TNIK: variants seen among roughly 807,000 people sequenced by gnomAD.
TNIK encodes TRAF2 and NCK interacting kinase, also known as TRAF2 and NCK-interacting protein kinase.
In TNIK, 49 loss-of-function variants were observed where a neutral mutation model predicts 191.3. That is an observed-to-expected ratio of 0.26 (90% CI 0.20 to 0.32). The LOEUF is 0.32. Ranked by LOEUF, TNIK falls within the 10% of genes least tolerant of loss-of-function variation. The pLI, the probability that TNIK is intolerant of heterozygous loss-of-function variation, is 1.00. For synonymous variants in TNIK, 594 were observed against 600.9 expected (o/e 0.99, Z 0.17); for missense variants, 1,155 against 1,702.3 (o/e 0.68, Z 5.66).
chr3:171,089,041 G>GT (rs909913865), intron 23 of TNIK, among the ~76,000 whole-genome samples: 9 of 152,326 alleles, frequency 5.9e-5, no homozygotes, highest in East Asian at 1.9e-4. Context: ...GGCTGGAAGT[G>GT]AAAGGAGGCA....
At chr3:171,190,121 A>T (rs1262823354) in intron 6 of TNIK, among the ~76,000 whole-genome samples, 3 of 152,244 alleles carry the variant, frequency 2.0e-5, no homozygotes, top group Non-Finnish European at 4.4e-5. Flanking sequence ...CTATTTGGGC[A>T]GTCCCAGATT....
chr3:171,380,793 C>T (rs1011516506), intron 1 of TNIK, among the ~76,000 whole-genome samples: 9 of 152,238 alleles, frequency 5.9e-5, no homozygotes, highest in African/African-American at 1.2e-4. Flanking sequence ...GGGCCCAGGA[C>T]TTTTCTATGA....
intron 2 of TNIK, among the ~76,000 whole-genome samples, chr3:171,316,043 C>T (rs1457578185): frequency 6.6e-6 from 1 of 152,066 alleles, no homozygotes; most frequent in Non-Finnish European, 1.5e-5. Context: ...GAGTTTACAG[C>T]CTAGAGACAG....
At chr3:171,205,227 C>A (rs1739910222) in intron 4 of TNIK, among the ~76,000 whole-genome samples, 1 of 152,174 alleles carries the variant, frequency 6.6e-6, no homozygotes, top group Non-Finnish European at 1.5e-5. Context: ...TGTCTTTCTT[C>A]TTCCTAGTTC....
chr3:171,270,078 T>A (rs188747530), intron 2 of TNIK, among the ~76,000 whole-genome samples: 2 of 152,084 alleles, frequency 1.3e-5, no homozygotes, highest in African/African-American at 4.8e-5. Context: ...ATTTACACAC[T>A]TACTTTGAGC....
intron 7 of TNIK, among the ~76,000 whole-genome samples, chr3:171,179,707 C>T (rs941857997): frequency 1.3e-5 from 2 of 152,180 alleles, no homozygotes; most frequent in African/African-American, 4.8e-5. Context: ...GCCTCAGCCT[C>T]CCAAAGTGCT....
At chr3:171,324,101 A>G (rs1028442326) in intron 2 of TNIK, among the ~76,000 whole-genome samples, 5 of 150,652 alleles carry the variant, frequency 3.3e-5, no homozygotes, top group Admixed American at 6.6e-5. Context: ...TGGCAGTGAC[A>G]GCTGGTCATT....
At chr3:171,200,719 C>A (rs775751910) in intron 4 of TNIK, among the ~76,000 whole-genome samples, 17 of 152,216 alleles carry the variant, frequency 1.1e-4, no homozygotes, top group Admixed American at 5.2e-4. Context: ...GGCTTCTAAA[C>A]TTCCCTTTCC....
intron 4 of TNIK, among the ~76,000 whole-genome samples, chr3:171,196,875 C>T (rs140070238): frequency 0.072 from 10,886 of 152,086 alleles, 1,282 homozygotes; most frequent in African/African-American, 0.25. Flanking sequence ...CTGCCTCAGC[C>T]TCTCGAGTAG....
rs111358188 is a variant in TNIK at position 171,278,372 on chromosome 3, G to A, written c.124-50151C>T. Among the ~76,000 whole-genome samples, 649 of 152,202 alleles carry A rather than the reference G, an allele frequency of 4.3e-3. 2 individuals are homozygous for A. The highest frequency in any genetic ancestry group is 0.015 in the African/African-American group (626 of 41,528). ...AATGAATTTCTGCTTGTTTCTCAAT[G>A]TGGATATGAGAATGAAGCTTATCAA... On this transcript the variant is annotated intron_variant, in intron 2 of 32. Transcript: ENST00000436636.
chr3:171,060,601 C>T lies in TNIK; in HGVS notation c.*3280G>A, dbSNP rs563052280. On this transcript the variant is annotated 3_prime_UTR_variant, in exon 33 of 33. Transcript: ENST00000436636. ...CTCCAAGAAAAATAATGAGATCTAT[C>T]TAAAATAGAGCTGTTCAATTTTATG... Among the ~76,000 whole-genome samples, 8 of 152,284 alleles carry T rather than the reference C, an allele frequency of 5.3e-5. No individual in the cohort carries two copies. In the East Asian group the frequency reaches 1.3e-3, roughly 26 times the overall value.
intron 2 of TNIK, among the ~76,000 whole-genome samples, chr3:171,310,573 T>C (rs1047435436): frequency 1.3e-5 from 2 of 152,148 alleles, no homozygotes; most frequent in Non-Finnish European, 2.9e-5. Flanking sequence ...TTAAATCTCA[T>C]TTTGGCCTTC....
chr3:171,248,378 T>G (rs1013208809), intron 2 of TNIK, among the ~76,000 whole-genome samples: 3 of 152,110 alleles, frequency 2.0e-5, no homozygotes, highest in Non-Finnish European at 4.4e-5. Flanking sequence ...GCAGCCCAAA[T>G]GCAGAAAAAT....
intron 29 of TNIK, among the ~76,000 whole-genome samples, chr3:171,069,975 G>A (rs1718976617): frequency 6.6e-6 from 1 of 152,290 alleles, no homozygotes; most frequent in South Asian, 2.1e-4. Flanking sequence ...CCCTCTTTCT[G>A]GGCTGGATAG....
intron 13 of TNIK, 113 bp downstream of exon 13, chr3:171,140,286 G>A (rs1272257195): frequency 1.1e-6 from 1 of 872,430 alleles, no homozygotes; most frequent in East Asian, 2.7e-5. Context: ...TTGAGGAAGA[G>A]TAAAAACCCA....
chr3:171,185,179 G>T (rs548840412), intron 7 of TNIK, among the ~76,000 whole-genome samples: 1 of 31,488 alleles, frequency 3.2e-5, no homozygotes, highest in Admixed American at 2.7e-4. Context: ...TAGATTTCCC[G>T]TGTGTGTGTG....
chr3:171,362,895 C>A (rs1203118387), intron 2 of TNIK, among the ~76,000 whole-genome samples: 1 of 152,122 alleles, frequency 6.6e-6, no homozygotes, highest in East Asian at 1.9e-4. Flanking sequence ...AATGCCAAAG[C>A]CTCTAAGCTT....
intron 28 of TNIK, among the ~76,000 whole-genome samples, chr3:171,076,728 G>C (rs1222278761): frequency 6.6e-6 from 1 of 151,942 alleles, no homozygotes; most frequent in Non-Finnish European, 1.5e-5. Context: ...GCTGATTCCT[G>C]CTCCATAAAA....
intron 29 of TNIK, among the ~76,000 whole-genome samples, chr3:171,070,440 CAT>C (rs1719037154): frequency 6.6e-6 from 1 of 151,872 alleles, no homozygotes; most frequent in African/African-American, 2.4e-5. Context: ...AGTAGACAGA[CAT>C]AAGCTGAGAG....
Sources: allele counts gnomAD v4.1 joint callset (sites outside exome capture counted in the v4.1 genomes callset), GRCh38; gene constraint gnomAD v4.1.1; transcripts MANE v1.5; gene names NCBI Gene and HGNC (gene_info 2026-07-23, HGNC 2026-07-21).